Variants in MAP4 observed in about 807,000 individuals in gnomAD.
MAP4 encodes microtubule associated protein 4.
A neutral mutation model predicts 170.2 loss-of-function variants in MAP4; 76 were observed. The ratio of observed to expected loss-of-function variants is 0.45; its 90% confidence interval spans 0.37 to 0.54. The LOEUF (loss-of-function observed/expected upper bound fraction) is 0.54. Ranked by LOEUF, MAP4 falls within the 20% of genes least tolerant of loss-of-function variation. MAP4 has a pLI of 0.00. For missense variants in MAP4, 2,506 were observed against 2,748.0 expected (o/e 0.91, Z 1.97); for synonymous variants, 909 against 994.5 (o/e 0.91, Z 1.62).
intron 4 of MAP4, among the ~76,000 whole-genome samples, chr3:47,923,698 C>T (rs1302619342): frequency 6.6e-6 from 1 of 151,138 alleles, no homozygotes. Flanking sequence ...TGCCTGCAGT[C>T]CCAGCTACTC....
chr3:48,065,599 C>G (rs1268485070), intron 1 of MAP4, among the ~76,000 whole-genome samples: 1 of 152,204 alleles, frequency 6.6e-6, no homozygotes, highest in Non-Finnish European at 1.5e-5. Context: ...AGAAGCCTGC[C>G]TTGGTGTTGA....
At chr3:47,870,656 G>T (rs1364604919) in intron 15 of MAP4, among the ~76,000 whole-genome samples, 157 bp downstream of exon 15, 1 of 152,184 alleles carries the variant, frequency 6.6e-6, no homozygotes, top group Non-Finnish European at 1.5e-5. Flanking sequence ...CTGCTGCTGG[G>T]GCACAAAACC....
At chr3:47,944,182 C>T (rs1016397323) in intron 3 of MAP4, among the ~76,000 whole-genome samples, 1 of 151,878 alleles carries the variant, frequency 6.6e-6, no homozygotes, top group Non-Finnish European at 1.5e-5. Flanking sequence ...TGGTGGCACA[C>T]GCCTGTAATC....
chr3:47,951,355 C>T (rs993172156), intron 3 of MAP4, among the ~76,000 whole-genome samples: 4 of 152,054 alleles, frequency 2.6e-5, no homozygotes, highest in South Asian at 4.2e-4. Flanking sequence ...CCTCTCCCCA[C>T]GGTCTCCCTC....
chr3:47,982,007 G>A (rs2100085680), intron 2 of MAP4, among the ~76,000 whole-genome samples: 2 of 151,772 alleles, frequency 1.3e-5, no homozygotes, highest in African/African-American at 2.4e-5. Flanking sequence ...TATGTTGGCC[G>A]GGCACAGTGG....
chr3:47,970,876 A>C (rs2100078266), intron 3 of MAP4, among the ~76,000 whole-genome samples: 1 of 152,180 alleles, frequency 6.6e-6, no homozygotes. Flanking sequence ...GCTCAAGAAG[A>C]AGCTATTTTG....
chr3:48,021,176 G>T (rs1162141418), upstream of MAP4, among the ~76,000 whole-genome samples: 1 of 152,212 alleles, frequency 6.6e-6, no homozygotes, highest in South Asian at 2.1e-4. Context: ...TTGTTAGGAA[G>T]GTGTTTTAGA....
intron 7 of MAP4, 114 bp from the exon 8 acceptor site, chr3:47,915,053 C>T: frequency 7.8e-7 from 1 of 1,275,094 alleles, no homozygotes; most frequent in Non-Finnish European, 1.1e-6. Flanking sequence ...CTACAAGGGG[C>T]AGCAAAGGAG....
chr3:48,056,163 T>C (rs1445710256), intron 1 of MAP4, among the ~76,000 whole-genome samples: 2 of 71,520 alleles, frequency 2.8e-5, no homozygotes, highest in African/African-American at 5.0e-5. Context: ...GGGAGGGAGG[T>C]GGGGGGTCAG....
intron 4 of MAP4, among the ~76,000 whole-genome samples, chr3:47,927,982 T>TA (rs1281482984): frequency 1.3e-5 from 2 of 152,256 alleles, no homozygotes; most frequent in Non-Finnish European, 2.9e-5. Context: ...ATGGATCCTC[T>TA]AATCTTCAGT....
upstream of MAP4, among the ~76,000 whole-genome samples, chr3:48,019,544 C>A (rs780244349): frequency 4.6e-4 from 70 of 151,930 alleles, 2 homozygotes; most frequent in Non-Finnish European, 8.8e-5. Flanking sequence ...GAAGAATATT[C>A]ATACTTGATC....
chr3:47,964,997 A>T (rs1056580292), intron 3 of MAP4, among the ~76,000 whole-genome samples: 1 of 152,166 alleles, frequency 6.6e-6, no homozygotes, highest in African/African-American at 2.4e-5. Context: ...CCATTAAGCA[A>T]CACCAAACAC....
chr3:48,069,357 G>T (rs574914167), intron 1 of MAP4, among the ~76,000 whole-genome samples: 1 of 152,262 alleles, frequency 6.6e-6, no homozygotes, highest in South Asian at 2.1e-4. Context: ...TCACAACCTT[G>T]ATTTTATAAA....
chr3:47,995,193 A>G (rs1425454800), intron 2 of MAP4, among the ~76,000 whole-genome samples: 6 of 152,006 alleles, frequency 3.9e-5, no homozygotes, highest in African/African-American at 1.4e-4. Flanking sequence ...TTCTCAACAT[A>G]AGCTTTTGCA....
chr3:47,875,631 T>C, intron 12 of MAP4, 54 bp downstream of exon 12: 3 of 1,448,980 alleles, frequency 2.1e-6, no homozygotes, highest in Non-Finnish European at 2.9e-6. Flanking sequence ...TCTGTCTATC[T>C]GACACTCAGA....
At chr3:47,981,655 C>G (rs566862535) in intron 2 of MAP4, among the ~76,000 whole-genome samples, 26 of 151,700 alleles carry the variant, frequency 1.7e-4, no homozygotes, top group African/African-American at 6.3e-4. Flanking sequence ...ATCACAACTA[C>G]TCTAGAGGCT....
chr3:47,928,529 G>C (rs542582025), intron 3 of MAP4, among the ~76,000 whole-genome samples, 179 bp from the exon 4 acceptor site: 1 of 152,044 alleles, frequency 6.6e-6, no homozygotes, highest in Admixed American at 6.6e-5. Context: ...GCAATGGTGC[G>C]TCTGTAGCCC....
chr3:48,052,383 G>A (rs1256912514), intron 1 of MAP4, among the ~76,000 whole-genome samples: 2 of 152,172 alleles, frequency 1.3e-5, no homozygotes, highest in Non-Finnish European at 1.5e-5. Context: ...ATCACACCCA[G>A]CTAACTTTTT....
intron 1 of MAP4, among the ~76,000 whole-genome samples, chr3:48,070,822 T>A (rs1001411161): frequency 1.4e-5 from 2 of 147,186 alleles, no homozygotes; most frequent in African/African-American, 5.0e-5. Context: ...GGCAACATAG[T>A]GAGATCTCGT....
Sources: allele counts gnomAD v4.1 joint callset (sites outside exome capture counted in the v4.1 genomes callset), GRCh38; gene constraint gnomAD v4.1.1; transcripts MANE v1.5; gene names NCBI Gene and HGNC (gene_info 2026-07-23, HGNC 2026-07-21).